MBNL1: variants seen among roughly 807,000 people sequenced by gnomAD.
MBNL1 encodes muscleblind like splicing regulator 1.
A neutral mutation model predicts 42.2 loss-of-function variants in MBNL1; 8 were observed. That is an observed-to-expected ratio of 0.19 (90% confidence interval 0.11 to 0.34). The LOEUF (loss-of-function observed/expected upper bound fraction) is 0.34, where lower values mean the gene tolerates loss of function less well. Ranked by LOEUF, MBNL1 falls within the 10% of genes least tolerant of loss-of-function variation. The probability of loss-of-function intolerance (pLI) is 1.00; values close to 1 mark genes in which losing one functional copy is unlikely to be tolerated. For missense variants in MBNL1, 309 were observed against 495.3 expected (o/e 0.62, Z 3.57); for synonymous variants, 169 against 173.9 (o/e 0.97, Z 0.22).
In MBNL1 at chr3:152,463,143, T is replaced by A. The variant is rs894479621; in HGVS notation, c.*777T>A. ...AATCAGTCAAAGGGCACCATTCTTT[T>A]TTTTTTTTTTTGAAACCAAAGCTGT... On this transcript the variant is annotated 3_prime_UTR_variant, in exon 10 of 10. Coordinates refer to ENST00000324210, the MANE Select transcript of MBNL1 (RefSeq NM_021038.5). 1 of 151,750 alleles carries A rather than the reference T, an allele frequency of 6.6e-6. No homozygotes were observed. Among genetic ancestry groups the A allele is most frequent in the Non-Finnish European group, 1.5e-5 (1 of 67,728 alleles). 9.4% of individuals were successfully genotyped at this position (151,750 alleles called of 1,614,324 possible).
Position 152,384,377 on chromosome 3 carries a change from G to T in MBNL1, c.175-30564G>T, listed in dbSNP as rs140929732. ...TTCTGGGTTTTTGCCTGACTAGAGA[G>T]TTACAGAAAGATAATTGAAAATAAA... is the stretch of plus-strand genomic sequence containing the variant. On this transcript the variant is annotated intron_variant, in intron 2 of 9. Transcript: ENST00000324210. Among the ~76,000 whole-genome samples the T allele has an allele frequency of 1.3e-4, 20 of 152,118 alleles. No homozygotes were observed. The East Asian group carries it at 3.9e-3, about 29-fold the overall frequency.
chr3:152,321,542 T>C (rs1247980417), intron 2 of MBNL1, among the ~76,000 whole-genome samples: 1 of 152,100 alleles, frequency 6.6e-6, no homozygotes, highest in African/African-American at 2.4e-5. Context: ...CAATACTTAA[T>C]GTCTTGAACA....
At chr3:152,446,284 CTT>C (rs1415723092) in intron 5 of MBNL1, among the ~76,000 whole-genome samples, 7 of 151,928 alleles carry the variant, frequency 4.6e-5, no homozygotes, top group Admixed American at 4.6e-4. Flanking sequence ...AAATATATGA[CTT>C]AAATCAATGA....
At chr3:152,371,886 G>C (rs963829580) in intron 2 of MBNL1, among the ~76,000 whole-genome samples, 1 of 152,164 alleles carries the variant, frequency 6.6e-6, no homozygotes, top group African/African-American at 2.4e-5. Context: ...ATAATATCCT[G>C]AAGAGTGTTT....
intron 3 of MBNL1, among the ~76,000 whole-genome samples, chr3:152,415,694 GCTGAAACT>G (rs1277309560): frequency 6.6e-6 from 1 of 152,136 alleles, no homozygotes; most frequent in African/African-American, 2.4e-5. Context: ...ATCAGGGTAG[GCTGAAACT>G]CTGAGGGCTT....
intron 2 of MBNL1, among the ~76,000 whole-genome samples, chr3:152,375,559 A>T (rs2096860961): frequency 6.6e-6 from 1 of 152,240 alleles, no homozygotes; most frequent in Non-Finnish European, 1.5e-5. Context: ...GACCAGCCTG[A>T]GCAACATAGT....
chr3:152,359,402 A>G (rs910118214), intron 2 of MBNL1, among the ~76,000 whole-genome samples: 1 of 152,208 alleles, frequency 6.6e-6, no homozygotes. Context: ...TGTCTAGGTG[A>G]GATGGATCCA....
intron 1 of MBNL1, among the ~76,000 whole-genome samples, chr3:152,275,908 A>G (rs2044834662): frequency 6.6e-6 from 1 of 152,012 alleles, no homozygotes; most frequent in Admixed American, 6.6e-5. Flanking sequence ...CTTGAAAGAA[A>G]CAATAGATTG....
At chr3:152,349,625 G>T (rs2094700083) in intron 2 of MBNL1, among the ~76,000 whole-genome samples, 1 of 152,022 alleles carries the variant, frequency 6.6e-6, no homozygotes, top group Non-Finnish European at 1.5e-5. Flanking sequence ...CTAATAATAA[G>T]AAAGTATTTA....
intron 2 of MBNL1, among the ~76,000 whole-genome samples, chr3:152,360,628 C>T (rs749196819): frequency 6.6e-6 from 1 of 152,220 alleles, no homozygotes; most frequent in South Asian, 2.1e-4. Context: ...CCATAGAACT[C>T]TGTTGACCCT....
intron 2 of MBNL1, among the ~76,000 whole-genome samples, chr3:152,344,047 G>A (rs977719203): frequency 3.3e-4 from 41 of 123,502 alleles, no homozygotes; most frequent in African/African-American, 1.0e-3. Flanking sequence ...AAGAGTGGAA[G>A]TGTAAAAGAT....
At chr3:152,383,424 T>C (rs567891389) in intron 2 of MBNL1, among the ~76,000 whole-genome samples, 1 of 152,092 alleles carries the variant, frequency 6.6e-6, no homozygotes, top group East Asian at 1.9e-4. Flanking sequence ...AAGAGCTGTT[T>C]ATATGCATTG....
At chr3:152,428,135 GAAAC>G (rs2098959622) in intron 3 of MBNL1, among the ~76,000 whole-genome samples, 2 of 151,810 alleles carry the variant, frequency 1.3e-5, no homozygotes, top group African/African-American at 4.9e-5. Flanking sequence ...GGTAAAGAAA[GAAAC>G]AATCACTTTT....
At chr3:152,353,616 C>T (rs1481710781) in intron 2 of MBNL1, among the ~76,000 whole-genome samples, 1 of 150,876 alleles carries the variant, frequency 6.6e-6, no homozygotes, top group Non-Finnish European at 1.5e-5. Context: ...ATTATCAAGC[C>T]CTTGTCATAT....
chr3:152,364,911 G>A (rs2096260707), intron 2 of MBNL1, among the ~76,000 whole-genome samples: 1 of 151,664 alleles, frequency 6.6e-6, no homozygotes, highest in Non-Finnish European at 1.5e-5. Context: ...AAGATCCAGG[G>A]GACGTTGGTT....
chr3:152,398,442 A>G (rs1216855423), intron 2 of MBNL1, among the ~76,000 whole-genome samples: 1 of 152,140 alleles, frequency 6.6e-6, no homozygotes, highest in Non-Finnish European at 1.5e-5. Context: ...TTATGGCTGA[A>G]TATGTCACAT....
At chr3:152,304,416 A>G (rs2062002185) in intron 2 of MBNL1, among the ~76,000 whole-genome samples, 1 of 152,240 alleles carries the variant, frequency 6.6e-6, no homozygotes, top group South Asian at 2.1e-4. Context: ...TCCTGATAAA[A>G]TATCTGCAAG....
chr3:152,446,814 T>A, intron 5 of MBNL1: 1 of 1,460,092 alleles, frequency 6.8e-7, no homozygotes. Flanking sequence ...GATACAAGTT[T>A]TTTTTTTAAA....
intron 1 of MBNL1, chr3:152,269,777 A>T (rs927210305): frequency 4.8e-6 from 1 of 209,978 alleles, no homozygotes; most frequent in South Asian, 5.1e-5. Context: ...ACTGTAAGAA[A>T]AGTAAGTATA....
Sources: allele counts gnomAD v4.1 joint callset (sites outside exome capture counted in the v4.1 genomes callset), GRCh38; gene constraint gnomAD v4.1.1; transcripts MANE v1.5; gene names NCBI Gene and HGNC (gene_info 2026-07-23, HGNC 2026-07-21).